SAP130: variants seen among roughly 807,000 people sequenced by gnomAD.
SAP130 encodes the protein Sin3A associated protein 130, also known as histone deacetylase complex subunit SAP130.
In SAP130, 16 loss-of-function variants were observed where a neutral mutation model predicts 103.2. The observed-to-expected ratio is 0.16, with a 90% CI of 0.10 to 0.24. The LOEUF is 0.24. Among genes scored for constraint, SAP130 ranks in the 10% least tolerant of loss-of-function variants. The pLI is 1.00. For synonymous variants in SAP130, 477 were observed against 497.0 expected (o/e 0.96, Z 0.53); for missense variants, 990 against 1,359.7 (o/e 0.73, Z 4.28).
chr2:127,949,847 A>G (rs1211604206), intron 18 of SAP130, 22 bp downstream of exon 18: 5 of 1,612,252 alleles, frequency 3.1e-6, no homozygotes. Flanking sequence ...CATTAATATC[A>G]AGTGTTTCTG....
At chr2:127,968,470 G>C (rs1680834301) in intron 15 of SAP130, among the ~76,000 whole-genome samples, 1 of 147,148 alleles carries the variant, frequency 6.8e-6, no homozygotes, top group Non-Finnish European at 1.5e-5. Flanking sequence ...GGAGGTTGCA[G>C]TGAGCAGAGA....
chr2:128,010,127 C>G, intron 7 of SAP130, 142 bp downstream of exon 7: 1 of 778,092 alleles, frequency 1.3e-6, no homozygotes, highest in Non-Finnish European at 1.8e-6. Context: ...CAGCTTTAGC[C>G]CCAGGATTTA....
Position 127,942,215 on chromosome 2 carries a change from G to T in SAP130, c.3016-51C>A. 6.6e-7 allele frequency: 1 copy of T among 1,521,518 alleles called. No homozygotes were observed. The highest frequency in any genetic ancestry group is 8.9e-7 in the Non-Finnish European group (1 of 1,128,916). 94.3% of individuals were successfully genotyped at this position (1,521,518 alleles called of 1,614,324 possible). A position where few individuals can be genotyped will look rare whatever the true frequency, so the allele number is the denominator to read the frequency against. On this transcript the variant is annotated intron_variant, in intron 20 of 20. Transcript: ENST00000643581. The surrounding 1 kb of genome is among the most constrained non-coding windows in gnomAD (Gnocchi z 4.8). ...AATCAGTGACCATGAGGATAGTACA[G>T]CTTTTAAAAAACTGCTTGCCTTTGG...
intron 12 of SAP130, among the ~76,000 whole-genome samples, chr2:127,990,836 G>C (rs1682737433): frequency 6.6e-6 from 1 of 151,400 alleles, no homozygotes; most frequent in African/African-American, 2.4e-5. Flanking sequence ...AGCTACTCAG[G>C]AGGCTGAGAT....
chr2:127,999,323 T>A (rs1020652130), intron 10 of SAP130, among the ~76,000 whole-genome samples: 1 of 152,196 alleles, frequency 6.6e-6, no homozygotes, highest in East Asian at 1.9e-4. Flanking sequence ...AAAAACTGCC[T>A]TATCTCAGCT....
rs1306652547 is a variant in SAP130 at position 128,013,170 on chromosome 2, T to G, written c.620-16A>C. On this transcript the variant is annotated splice_polypyrimidine_tract_variant and intron_variant, in intron 5 of 20. Transcript: ENST00000643581. Reference sequence around the variant, plus strand: ...GCAGCTGCACCTGAAAAAAAAAAAGTGTTTATTATATTTATTCTAGTTATA... The same window carrying G: ...GCAGCTGCACCTGAAAAAAAAAAAGGGTTTATTATATTTATTCTAGTTATA... The G allele has an allele frequency of 1.3e-6, 2 of 1,570,054 alleles. No individual in the cohort carries two copies. The highest frequency in any genetic ancestry group is 2.3e-5 in the South Asian group (2 of 85,316).
At chr2:127,967,666 G>A (rs965781934) in intron 15 of SAP130, among the ~76,000 whole-genome samples, 4 of 152,186 alleles carry the variant, frequency 2.6e-5, no homozygotes, top group Admixed American at 6.6e-5. Context: ...AAAGCACTGG[G>A]ATTACAGGCG....
intron 12 of SAP130, 131 bp downstream of exon 12, chr2:127,993,056 C>A (rs992321735): frequency 1.1e-5 from 13 of 1,186,962 alleles, no homozygotes; most frequent in Admixed American, 2.0e-5. Context: ...TCAAGCTTCA[C>A]ATTTTATCTG....
intron 18 of SAP130, among the ~76,000 whole-genome samples, chr2:127,947,758 G>GTC (rs1559028600): frequency 5.8e-5 from 8 of 137,690 alleles, no homozygotes; most frequent in African/African-American, 2.4e-4. Flanking sequence ...TTTGTATTGT[G>GTC]TGTGTCTGTG....
chr2:128,000,468 A>G lies in SAP130; in HGVS notation c.870-14T>C, dbSNP rs1325244904. ...AAGGTTGGCCTACTGAAAAGATAAC[A>G]AAGACACAATGCAGATGGGCAAGGT... On this transcript the variant is annotated splice_polypyrimidine_tract_variant and intron_variant, in intron 7 of 20. Transcript: ENST00000643581. 6.2e-7 allele frequency: 1 copy of G among 1,613,962 alleles called. No individual in the cohort carries two copies. Among genetic ancestry groups the G allele is most frequent in the Non-Finnish European group, 8.5e-7 (1 of 1,179,996 alleles).
rs1396456546 is a variant in SAP130 at position 127,941,855 on chromosome 2, C to T, written c.*151G>A. 2.8e-6 allele frequency: 2 copies of T among 723,040 alleles called. No individual in the cohort carries two copies. The highest frequency in any genetic ancestry group is 1.8e-5 in the South Asian group (1 of 55,152). 44.8% of individuals were successfully genotyped at this position (723,040 alleles called of 1,614,324 possible). A position where few individuals can be genotyped will look rare whatever the true frequency, so the allele number is the denominator to read the frequency against. On this transcript the variant is annotated 3_prime_UTR_variant, in exon 21 of 21. Coordinates refer to ENST00000643581, the MANE Select transcript of SAP130 (RefSeq NM_001330301.2). ...CAGTCAGCTCTGATCCTTTCACGCC[C>T]TTGGATGTCATGGGTTCCTCTGCTT...
chr2:127,983,820 G>GTTTTTTTTTTTTTTTTTTTT lies in SAP130; in HGVS notation c.1958+2964_1958+2965insAAAAAAAAAAAAAAAAAAAA, dbSNP rs1455013059. Reference sequence around the variant, plus strand: ...AGTTTTGGTAATTTTCTATTACTTTGTTGTTTTTTTTTTTTTTTTTTTTTT... The same window carrying GTTTTTTTTTTTTTTTTTTTT: ...AGTTTTGGTAATTTTCTATTACTTTGTTTTTTTTTTTTTTTTTTTTTTGTTTTTTTTTTTTTTTTTTTTTT... On this transcript the variant is annotated intron_variant, in intron 14 of 20. Coordinates refer to ENST00000643581, the MANE Select transcript of SAP130 (RefSeq NM_001330301.2). Among the ~76,000 whole-genome samples, 4 of 112,354 alleles carry GTTTTTTTTTTTTTTTTTTTT rather than the reference G, an allele frequency of 3.6e-5. 2 individuals carry two copies. Among genetic ancestry groups the GTTTTTTTTTTTTTTTTTTTT allele is most frequent in the Non-Finnish European group, 6.7e-5 (4 of 59,964 alleles). The allele number at this position is 112,354 out of a possible 152,430, so 73.7% of individuals were successfully genotyped here.
chr2:127,989,235 A>G lies in SAP130; in HGVS notation c.1780+329T>C, dbSNP rs1682612777. 6.6e-6 allele frequency among the ~76,000 whole-genome samples: 1 copy of G among 151,890 alleles called. No individual in the cohort carries two copies. Among genetic ancestry groups the G allele is most frequent in the Admixed American group, 6.6e-5 (1 of 15,230 alleles). ...CGCCTCAGCCTCCCGAGTAGCTAGG[A>G]CTACAGGCCCCCGCCACCACGCCTG... On this transcript the variant is annotated intron_variant, in intron 13 of 20. Transcript: ENST00000643581. This position sits in a 1 kb window ranked among gnomAD's most constrained non-coding sequence, Gnocchi z 4.6.
Position 127,996,567 on chromosome 2 carries a change from C to A in SAP130, c.1214-76G>T. 2 of 1,302,330 alleles carry A rather than the reference C, an allele frequency of 1.5e-6. No homozygotes were observed. Among genetic ancestry groups the A allele is most frequent in the South Asian group, 3.8e-5 (2 of 53,328 alleles). The allele number at this position is 1,302,330 out of a possible 1,614,324, so 80.7% of individuals were successfully genotyped here. ...ATGCCAAAACATTCTTGGCTAGCAG[C>A]AATCTTAGGAAAGCAAACAATTAAA... is the stretch of plus-strand genomic sequence containing the variant. On this transcript the variant is annotated intron_variant, in intron 10 of 20. Coordinates refer to ENST00000643581, the MANE Select transcript of SAP130 (RefSeq NM_001330301.2). This position sits in a 1 kb window ranked among gnomAD's most constrained non-coding sequence, Gnocchi z 4.3.
intron 16 of SAP130, among the ~76,000 whole-genome samples, chr2:127,950,791 C>G (rs1224984327): frequency 6.6e-6 from 1 of 152,072 alleles, no homozygotes; most frequent in African/African-American, 2.4e-5. Context: ...TTCTGTGATC[C>G]TGGAACTCAG....
chr2:128,007,136 T>C (rs532212709), intron 7 of SAP130, among the ~76,000 whole-genome samples: 4 of 152,362 alleles, frequency 2.6e-5, no homozygotes, highest in East Asian at 3.9e-4. Flanking sequence ...GTTTTCATCA[T>C]ACAGTTGGCC....
intron 14 of SAP130, among the ~76,000 whole-genome samples, chr2:127,980,350 C>T (rs574544725): frequency 4.6e-5 from 7 of 152,138 alleles, no homozygotes; most frequent in Non-Finnish European, 7.4e-5. Flanking sequence ...CACTATAAAC[C>T]GACAGAATGA....
intron 1 of SAP130, chr2:128,027,343 CCG>C (rs1558712597): frequency 2.6e-6 from 3 of 1,153,948 alleles, no homozygotes; most frequent in East Asian, 8.4e-5. Context: ...GGCCCCACGC[CCG>C]ACGCGTCAGT....
rs182563465 is a variant in SAP130 at position 127,982,147 on chromosome 2, C to T, written c.1959-4058G>A. On this transcript the variant is annotated intron_variant, in intron 14 of 20. Transcript: ENST00000643581. ...AAGAACTGGACACAGCAAACACAGA[C>T]AATTTCTTTTTACAAAGAAGAGCAA... Among the ~76,000 whole-genome samples, 4 of 150,022 alleles carry T rather than the reference C, an allele frequency of 2.7e-5. No individual in the cohort carries two copies. In the East Asian group the frequency reaches 5.8e-4, roughly 22 times the overall value.
Sources: allele counts gnomAD v4.1 joint callset (sites outside exome capture counted in the v4.1 genomes callset), GRCh38; gene constraint gnomAD v4.1.1; non-coding constraint Gnocchi (gnomAD v3.1); transcripts MANE v1.5; gene names NCBI Gene and HGNC (gene_info 2026-07-23, HGNC 2026-07-21).